CSMD3: variants seen among roughly 807,000 people sequenced by gnomAD.
CSMD3 encodes the protein CUB and sushi domain-containing protein 3.
CSMD3 carries 177 observed loss-of-function variants against 435.2 expected under a neutral mutation model. That is an observed-to-expected ratio of 0.41 (90% CI 0.36 to 0.46). The LOEUF is 0.46. Among genes scored for constraint, CSMD3 ranks in the 20% least tolerant of loss-of-function variants. CSMD3 has a pLI of 0.34. For missense variants in CSMD3, 4,265 were observed against 4,504.6 expected (o/e 0.95, Z 1.52); for synonymous variants, 1,656 against 1,520.5 (o/e 1.09, Z -2.07).
chr8:113,209,765 G>A (rs1357523417), intron 3 of CSMD3, among the ~76,000 whole-genome samples: 1 of 151,964 alleles, frequency 6.6e-6, no homozygotes, highest in African/African-American at 2.4e-5. Context: ...AATTAATAAG[G>A]AGTCAAGCAA....
chr8:113,059,197 G>A (rs1039652666), intron 5 of CSMD3, among the ~76,000 whole-genome samples: 2 of 152,116 alleles, frequency 1.3e-5, no homozygotes, highest in South Asian at 2.1e-4. Context: ...CAATTTGGAT[G>A]ATTTTATTTT....
At chr8:112,478,542 G>A (rs1819299147) in intron 31 of CSMD3, among the ~76,000 whole-genome samples, 1 of 152,176 alleles carries the variant, frequency 6.6e-6, no homozygotes, top group South Asian at 2.1e-4. Flanking sequence ...ATGTCCTAGA[G>A]ATCTGTGCAA....
chr8:112,267,770 T>C (rs78507116), intron 59 of CSMD3, among the ~76,000 whole-genome samples: 1,659 of 152,202 alleles, frequency 0.011, 36 homozygotes, highest in African/African-American at 0.038. Flanking sequence ...GGCACCACCA[T>C]GAATGAAATG....
intron 68 of CSMD3, among the ~76,000 whole-genome samples, chr8:112,231,944 A>C (rs1813126292): frequency 6.6e-6 from 1 of 152,226 alleles, no homozygotes; most frequent in Non-Finnish European, 1.5e-5. Context: ...TTAAAACATA[A>C]AAATACTGTA....
intron 32 of CSMD3, among the ~76,000 whole-genome samples, chr8:112,439,606 T>C (rs1464163163): frequency 6.6e-6 from 1 of 152,126 alleles, no homozygotes; most frequent in Admixed American, 6.6e-5. Flanking sequence ...TGACACTACG[T>C]AATTTATAAA....
At chr8:112,484,592 T>C (rs1819938292) in intron 31 of CSMD3, among the ~76,000 whole-genome samples, 1 of 151,814 alleles carries the variant, frequency 6.6e-6, no homozygotes, top group African/African-American at 2.4e-5. Context: ...GTAGACTACA[T>C]GGTAGTTGAG....
chr8:113,202,966 CAGA>C (rs1245640618), intron 3 of CSMD3, among the ~76,000 whole-genome samples: 1 of 152,058 alleles, frequency 6.6e-6, no homozygotes, highest in East Asian at 1.9e-4. Flanking sequence ...TATGGAATTA[CAGA>C]AGAATAAGAT....
chr8:113,407,734 C>T (rs577005426), intron 1 of CSMD3, among the ~76,000 whole-genome samples: 75 of 152,030 alleles, frequency 4.9e-4, no homozygotes, highest in African/African-American at 1.8e-3. Context: ...CACAGACCAT[C>T]GTAGGTAGGT....
intron 4 of CSMD3, among the ~76,000 whole-genome samples, chr8:113,137,780 A>T (rs2091452807): frequency 6.6e-6 from 1 of 151,558 alleles, no homozygotes; most frequent in Admixed American, 6.6e-5. Flanking sequence ...CACACCTCCC[A>T]ATATTGTTCA....
chr8:113,390,821 T>C (rs1010236097), intron 1 of CSMD3, among the ~76,000 whole-genome samples: 2 of 152,014 alleles, frequency 1.3e-5, no homozygotes, highest in South Asian at 4.1e-4. Flanking sequence ...CTAATCATAC[T>C]TTTATTTCTC....
intron 13 of CSMD3, among the ~76,000 whole-genome samples, chr8:112,758,121 G>A (rs1305495270): frequency 6.6e-6 from 1 of 152,022 alleles, no homozygotes; most frequent in South Asian, 2.1e-4. Context: ...TTGGGAGCCC[G>A]AGGCGGGTGG....
chr8:112,834,736 G>A (rs912148574), intron 11 of CSMD3, among the ~76,000 whole-genome samples: 1 of 151,572 alleles, frequency 6.6e-6, no homozygotes, highest in African/African-American at 2.4e-5. Flanking sequence ...AGTATAATAG[G>A]AATGCTTCCT....
intron 45 of CSMD3, among the ~76,000 whole-genome samples, chr8:112,333,813 C>G (rs371508754): frequency 1.2e-3 from 179 of 151,936 alleles, no homozygotes; most frequent in African/African-American, 3.9e-3. Context: ...AATGAATAGT[C>G]CTTTCTTTAT....
intron 6 of CSMD3, among the ~76,000 whole-genome samples, chr8:113,011,194 A>C (rs1352489524): frequency 6.6e-6 from 1 of 151,828 alleles, no homozygotes; most frequent in Non-Finnish European, 1.5e-5. Context: ...TCCTAAAATT[A>C]TACTTTATTT....
intron 4 of CSMD3, among the ~76,000 whole-genome samples, chr8:113,129,386 G>T (rs1409290097): frequency 1.3e-5 from 2 of 152,072 alleles, no homozygotes; most frequent in African/African-American, 4.8e-5. Flanking sequence ...GAGATCCAAT[G>T]ATAAGATGTA....
intron 3 of CSMD3, among the ~76,000 whole-genome samples, chr8:113,223,078 C>G (rs2132140066): frequency 6.6e-6 from 1 of 150,502 alleles, no homozygotes; most frequent in East Asian, 2.0e-4. Flanking sequence ...TTCTATTTTT[C>G]CAACAACTTC....
chr8:113,031,892 C>T (rs1405945431), intron 5 of CSMD3, among the ~76,000 whole-genome samples: 1 of 151,404 alleles, frequency 6.6e-6, no homozygotes, highest in African/African-American at 2.4e-5. Context: ...GCAGTTTCTG[C>T]CTGCTGCTCT....
At chr8:113,356,142 A>T (rs1010085802) in intron 1 of CSMD3, among the ~76,000 whole-genome samples, 1 of 152,028 alleles carries the variant, frequency 6.6e-6, no homozygotes, top group Admixed American at 6.6e-5. Flanking sequence ...TATACCACTT[A>T]AAAAAACTAT....
chr8:113,108,385 G>A (rs539981289), intron 4 of CSMD3, among the ~76,000 whole-genome samples: 18 of 149,126 alleles, frequency 1.2e-4, no homozygotes, highest in African/African-American at 3.7e-4. Context: ...TCGAGATTGC[G>A]CCACTGCATG....
Sources: gnomAD v4.1 joint callset for allele counts (sites outside exome capture counted in the v4.1 genomes callset) on GRCh38, gnomAD v4.1.1 for gene constraint, MANE v1.5 for transcripts, NCBI Gene and HGNC (gene_info 2026-07-23, HGNC 2026-07-21) for gene names.